The following PLEKHD1 variants were observed in gnomAD, a reference collection of about 807,000 sequenced individuals.
PLEKHD1 encodes pleckstrin homology and coiled-coil domain containing D1, also known as pleckstrin homology domain-containing family D member 1.
PLEKHD1 carries 51 observed loss-of-function variants against 69.2 expected under a neutral mutation model. That is an observed-to-expected ratio of 0.74 (90% confidence interval 0.59 to 0.93). The LOEUF (loss-of-function observed/expected upper bound fraction) is 0.93, where lower values mean the gene tolerates loss of function less well. Among genes scored for constraint, PLEKHD1 ranks in the 40% least tolerant of loss-of-function variants. The pLI, the probability that PLEKHD1 is intolerant of heterozygous loss-of-function variation, is 0.00. For missense variants in PLEKHD1, 584 were observed against 641.0 expected, an observed-to-expected ratio of 0.91 and a Z score of 0.96; for synonymous variants, 236 against 244.7, an observed-to-expected ratio of 0.96 and a Z score of 0.33.
chr14:69,524,697 C>T (rs1454592143), intron 8 of PLEKHD1, among the ~76,000 whole-genome samples: 2 of 152,164 alleles, frequency 1.3e-5, no homozygotes, highest in Non-Finnish European at 2.9e-5. Context: ...TCCTGAGTGA[C>T]ATTGAACGTA....
the PLEKHD1 span, among the ~76,000 whole-genome samples, chr14:69,476,426 G>T: frequency 6.6e-6 from 1 of 151,666 alleles, no homozygotes; most frequent in Non-Finnish European, 1.5e-5. Context: ...TTAGTTAGAC[G>T]TTTTGGCATG....
rs774210734 is a variant in PLEKHD1 at position 69,528,308 on chromosome 14, A to T, written c.1410A>T (p.Leu470=). 2.4e-5 allele frequency: 37 copies of T among 1,551,590 alleles called. No homozygotes were observed. Among genetic ancestry groups the T allele is most frequent in the African/African-American group, 2.7e-5 (2 of 73,040 alleles). Reference sequence around the variant, plus strand: ...TGGATGCCAACAACATGGAGGAGCTAAAGGAGGTGGCCAAGCGGCTCAGCA... The same window carrying T: ...TGGATGCCAACAACATGGAGGAGCTTAAGGAGGTGGCCAAGCGGCTCAGCA... ...SQLDANNMEE[L]KEVAKRLSRD... Residue 470 remains leucine, a synonymous_variant, in exon 13 of 13, where the codon CTA becomes CTT. Transcript: ENST00000322564.
At chr14:69,473,784 G>A in the PLEKHD1 span, among the ~76,000 whole-genome samples, 4 of 152,118 alleles carry the variant, frequency 2.6e-5, no homozygotes, top group East Asian at 1.9e-4. Context: ...TGGGGTCTTC[G>A]AGGAAGCTAG....
rs1035967087 is a variant in PLEKHD1 at position 69,502,803 on chromosome 14, G to T, written c.503-24G>T. 3.2e-6 allele frequency: 5 copies of T among 1,551,148 alleles called. No individual in the cohort carries two copies. In the Admixed American group the frequency reaches 9.8e-5, roughly 30 times the overall value. ...CACTTTCCTGATTGTGTGTGCATGT[G>T]TGTGTGTGTGCTTGTTTTGGCAGAC... On this transcript the variant is annotated intron_variant, in intron 5 of 12. Transcript: ENST00000322564.
At chr14:69,499,375 T>C (rs556918875) in intron 1 of PLEKHD1, among the ~76,000 whole-genome samples, 13 of 152,314 alleles carry the variant, frequency 8.5e-5, no homozygotes, top group African/African-American at 3.1e-4. Context: ...TGGGTGTCCC[T>C]GAATCTCTGG....
Position 69,528,568 on chromosome 14 carries a change from C to G in PLEKHD1, c.*149C>G, listed in dbSNP as rs1883718811. The G allele has an allele frequency of 2.7e-6, 3 of 1,115,872 alleles. No homozygotes were observed. The highest frequency in any genetic ancestry group is 3.7e-6 in the Non-Finnish European group (3 of 807,050). The allele number at this position is 1,115,872 out of a possible 1,614,324, so 69.1% of individuals were successfully genotyped here. A position where few individuals can be genotyped will look rare whatever the true frequency, so the allele number is the denominator to read the frequency against. On this transcript the variant is annotated 3_prime_UTR_variant, in exon 13 of 13. Transcript: ENST00000322564. ...GGCCGGAGCTCCACTTGGGGGCCAG[C>G]CTTGCCCTCAAAGGACATGGACGCT...
chr14:69,522,443 T>C (rs1025434410), intron 7 of PLEKHD1, 66 bp downstream of exon 7: 6 of 1,508,800 alleles, frequency 4.0e-6, no homozygotes, highest in Non-Finnish European at 5.4e-6. Flanking sequence ...ACCTTCCCCG[T>C]CAGATCTGAG....
chr14:69,476,257 C>CAA, the PLEKHD1 span, among the ~76,000 whole-genome samples: 13,579 of 77,136 alleles, frequency 0.18, 1,524 homozygotes, highest in Middle Eastern at 0.24. Context: ...GACTCTGTCT[C>CAA]AAAAAAAAAA....
rs1883706212 is a variant in PLEKHD1, at chr14:69,528,269, C to T, written c.1371C>T (p.Phe457=). ...CCCCAGTGAAGCCGTCCCAGTCCTT[C>T]ATGACCTCCCAGCTGGATGCCAACA... is the stretch of plus-strand genomic sequence containing the variant. ...SWNDMKPSQS[F]MTSQLDANNM... Residue 457 remains phenylalanine (F), a synonymous_variant, in exon 13 of 13, where the codon TTC becomes TTT. Transcript: ENST00000322564. 6.4e-7 allele frequency: 1 copy of T among 1,551,596 alleles called. No homozygotes were observed. Among genetic ancestry groups the T allele is most frequent in the Non-Finnish European group, 8.7e-7 (1 of 1,147,004 alleles).
chr14:69,516,407 T>A (rs1485418695), intron 6 of PLEKHD1, among the ~76,000 whole-genome samples: 1 of 152,182 alleles, frequency 6.6e-6, no homozygotes, highest in Non-Finnish European at 1.5e-5. Context: ...ATGGTATATT[T>A]TAAATATAAT....
the PLEKHD1 span, among the ~76,000 whole-genome samples, chr14:69,474,855 C>G: frequency 6.6e-6 from 1 of 152,124 alleles, no homozygotes; most frequent in Non-Finnish European, 1.5e-5. Flanking sequence ...CTGGTCACCC[C>G]CTTCTTTTTT....
Position 69,500,567 on chromosome 14 carries a change from T to C in PLEKHD1, c.244-10T>C, listed in dbSNP as rs143684449. 4,617 of 1,544,800 alleles carry C rather than the reference T, an allele frequency of 3.0e-3. 127 individuals carry two copies. In the African/African-American group the frequency reaches 0.055, roughly 18 times the overall value. On this transcript the variant is annotated splice_polypyrimidine_tract_variant and intron_variant, in intron 2 of 12. Transcript: ENST00000322564. Reference sequence around the variant, plus strand: ...TGGGGTGGGGGCTGCCTGTTCTGGTTCTTCCTCAGGGCGTCATCCCTCTGG... The same window carrying C: ...TGGGGTGGGGGCTGCCTGTTCTGGTCCTTCCTCAGGGCGTCATCCCTCTGG...
In PLEKHD1 at chr14:69,503,055, G is replaced by C. The variant is rs533440477; in HGVS notation, c.555+176G>C. On this transcript the variant is annotated intron_variant, in intron 6 of 12. Transcript: ENST00000322564. ...TGCTTGGGACTTGCTGTAACTTGTT[G>C]GTAAGAAGTGTCTTTCTCCTTACCA... 3 of 678,336 alleles carry C rather than the reference G, an allele frequency of 4.4e-6. No homozygotes were observed. The East Asian group carries it at 8.4e-5, about 19-fold the overall frequency. The allele number at this position is 678,336 out of a possible 1,614,324, so 42.0% of individuals were successfully genotyped here.
rs1298407001 is a variant in PLEKHD1, at chr14:69,494,350, A to G, written c.150-5765A>G. ...ATTGGCTACCCCAACCCTGAAACTT[A>G]CAGCCTCTGGCCCATCTGTTTCCTG... On this transcript the variant is annotated intron_variant, in intron 1 of 12. Coordinates refer to ENST00000322564, the MANE Select transcript of PLEKHD1 (RefSeq NM_001161498.2). 3.3e-5 allele frequency among the ~76,000 whole-genome samples: 5 copies of G among 152,172 alleles called. No homozygotes were observed. In the East Asian group the frequency reaches 7.7e-4, roughly 23 times the overall value.
chr14:69,483,052 C>T (rs765502640), upstream of PLEKHD1, among the ~76,000 whole-genome samples: 36 of 152,188 alleles, frequency 2.4e-4, no homozygotes, highest in Non-Finnish European at 5.3e-4. Context: ...TGGCCCCGGG[C>T]TCTCATCATC....
At chr14:69,509,931 C>T (rs1883234185) in intron 6 of PLEKHD1, among the ~76,000 whole-genome samples, 1 of 151,218 alleles carries the variant, frequency 6.6e-6, no homozygotes, top group Non-Finnish European at 1.5e-5. Flanking sequence ...GAGTGAGACT[C>T]CATCTCAAAA....
intron 6 of PLEKHD1, among the ~76,000 whole-genome samples, chr14:69,503,851 G>T (rs1177646922): frequency 7.7e-6 from 1 of 129,062 alleles, no homozygotes; most frequent in Non-Finnish European, 1.6e-5. Flanking sequence ...GCGACAGAAC[G>T]AGACTCCGTC....
At chr14:69,500,015 C>A in intron 1 of PLEKHD1, 100 bp from the exon 2 acceptor site, 1 of 759,920 alleles carries the variant, frequency 1.3e-6, no homozygotes. Context: ...TCCCTGTGGG[C>A]TCCCATGTGA....
chr14:69,493,177 CTTGGTGT>C (rs1882815131), intron 1 of PLEKHD1, among the ~76,000 whole-genome samples: 3 of 152,244 alleles, frequency 2.0e-5, no homozygotes, highest in Admixed American at 1.3e-4. Context: ...AGCATAGTAG[CTTGGTGT>C]ACCAGGGGAA....
Sources: gnomAD v4.1 joint callset for allele counts (sites outside exome capture counted in the v4.1 genomes callset) on GRCh38, gnomAD v4.1.1 for gene constraint, MANE v1.5 for transcripts, NCBI Gene and HGNC (gene_info 2026-07-23, HGNC 2026-07-21) for gene names.